The following PTPRD variants were observed in gnomAD, a reference collection of about 807,000 sequenced individuals.
The protein encoded by PTPRD is receptor-type tyrosine-protein phosphatase delta.
A neutral mutation model predicts 214.5 loss-of-function variants in PTPRD; 34 were observed. The ratio of observed to expected loss-of-function variants is 0.16; its 90% CI spans 0.12 to 0.21. The LOEUF is 0.21. Ranked by LOEUF, PTPRD falls within the 10% of genes least tolerant of loss-of-function variation. The probability of loss-of-function intolerance (pLI) is 1.00; values close to 1 mark genes in which losing one functional copy is unlikely to be tolerated. For synonymous variants in PTPRD, 1,128 were observed against 845.7 expected (o/e 1.33, Z -5.79); for missense variants, 2,545 against 2,398.7 (o/e 1.06, Z -1.27).
chr9:9,864,763 C>A (rs1432665494), intron 5 of PTPRD, among the ~76,000 whole-genome samples: 1 of 152,110 alleles, frequency 6.6e-6, no homozygotes, highest in Non-Finnish European at 1.5e-5. Flanking sequence ...ATTCTCCCAC[C>A]TTTGCCTCCC....
chr9:9,608,107 T>G (rs1296585032), intron 7 of PTPRD, among the ~76,000 whole-genome samples: 1 of 152,190 alleles, frequency 6.6e-6, no homozygotes, highest in Non-Finnish European at 1.5e-5. Context: ...GCTGCTTTGT[T>G]TTCTATATTT....
At chr9:10,120,589 C>T (rs1317428973) in intron 3 of PTPRD, among the ~76,000 whole-genome samples, 3 of 151,842 alleles carry the variant, frequency 2.0e-5, no homozygotes, top group African/African-American at 4.8e-5. Flanking sequence ...TGTTCTTAGA[C>T]ACTTAGAGAA....
At chr9:9,315,789 T>A (rs1020337664) in intron 9 of PTPRD, among the ~76,000 whole-genome samples, 1 of 151,598 alleles carries the variant, frequency 6.6e-6, no homozygotes, top group Admixed American at 6.6e-5. Context: ...CCTTATGTTT[T>A]TCTTGTTGCT....
At chr9:9,258,959 C>G (rs1425847163) in intron 9 of PTPRD, among the ~76,000 whole-genome samples, 2 of 151,718 alleles carry the variant, frequency 1.3e-5, no homozygotes, top group Admixed American at 1.3e-4. Flanking sequence ...AACAGTGTTT[C>G]TCGAGTTGGG....
At chr9:8,962,438 T>C (rs942354206) in intron 11 of PTPRD, among the ~76,000 whole-genome samples, 1 of 151,896 alleles carries the variant, frequency 6.6e-6, no homozygotes. Flanking sequence ...GGTGGGAAGA[T>C]GGTACTTTGG....
chr9:9,479,981 A>T (rs996842730), intron 8 of PTPRD, among the ~76,000 whole-genome samples: 3 of 152,190 alleles, frequency 2.0e-5, no homozygotes, highest in Admixed American at 1.3e-4. Context: ...GGACTGCTAC[A>T]TACTTAATTT....
intron 4 of PTPRD, among the ~76,000 whole-genome samples, chr9:10,029,437 G>T (rs1232193965): frequency 6.6e-6 from 1 of 152,170 alleles, no homozygotes; most frequent in Non-Finnish European, 1.5e-5. Flanking sequence ...AAAGCAGCTG[G>T]GAGGGAGGCT....
At chr9:8,362,680 A>C in intron 39 of PTPRD, among the ~76,000 whole-genome samples, 1 of 152,218 alleles carries the variant, frequency 6.6e-6, no homozygotes, top group East Asian at 1.9e-4. Context: ...CCATCATCAT[A>C]ATCATCATCA....
chr9:10,141,035 G>A (rs1181751142), intron 3 of PTPRD, among the ~76,000 whole-genome samples: 1 of 151,980 alleles, frequency 6.6e-6, no homozygotes, highest in Non-Finnish European at 1.5e-5. Flanking sequence ...AAAGGCCTTT[G>A]ACAAAATTCA....
At chr9:9,070,374 A>T (rs1015304352) in intron 10 of PTPRD, among the ~76,000 whole-genome samples, 1 of 152,188 alleles carries the variant, frequency 6.6e-6, no homozygotes, top group African/African-American at 2.4e-5. Context: ...GTTATAATAA[A>T]TTAATATATG....
intron 7 of PTPRD, among the ~76,000 whole-genome samples, chr9:9,619,682 T>C (rs1423350974): frequency 1.4e-5 from 2 of 145,606 alleles, no homozygotes; most frequent in African/African-American, 5.0e-5. Context: ...ATAATATATA[T>C]TCAAATATTT....
rs566782461 is a variant in PTPRD, at chr9:8,816,373, G to A, written c.-103-82427C>T. On this transcript the variant is annotated intron_variant, in intron 11 of 45. Coordinates refer to ENST00000381196, the MANE Select transcript of PTPRD (RefSeq NM_002839.4). ...TTCAGCTATGGAAAGAATGAGATGA[G>A]CCAAGCACTCTTTTGATTGTTGAGG... 3.3e-5 allele frequency among the ~76,000 whole-genome samples: 5 copies of A among 152,276 alleles called. No homozygotes were observed. The East Asian group carries it at 9.7e-4, about 29-fold the overall frequency.
chr9:10,391,924 G>A (rs932399362), intron 2 of PTPRD, among the ~76,000 whole-genome samples: 18 of 151,602 alleles, frequency 1.2e-4, no homozygotes, highest in Non-Finnish European at 4.4e-5. Flanking sequence ...TTTTCTCCAG[G>A]TCATCACAAG....
intron 10 of PTPRD, among the ~76,000 whole-genome samples, chr9:9,081,372 A>C (rs1227972351): frequency 6.6e-6 from 1 of 152,102 alleles, no homozygotes. Flanking sequence ...GTTTGTTATG[A>C]TTTCCATTCT....
chr9:9,124,440 T>G (rs1312451374), intron 10 of PTPRD, among the ~76,000 whole-genome samples: 1 of 152,188 alleles, frequency 6.6e-6, no homozygotes, highest in Non-Finnish European at 1.5e-5. Flanking sequence ...CTGATGCATT[T>G]CTAATATGGT....
chr9:8,722,156 T>C (rs1418536469), intron 12 of PTPRD, among the ~76,000 whole-genome samples: 1 of 144,850 alleles, frequency 6.9e-6, no homozygotes, highest in Non-Finnish European at 1.5e-5. Flanking sequence ...TGTGTGTGTG[T>C]GTGTGTGTGT....
At chr9:10,004,331 C>T (rs532706815) in intron 4 of PTPRD, among the ~76,000 whole-genome samples, 1 of 151,764 alleles carries the variant, frequency 6.6e-6, no homozygotes, top group African/African-American at 2.4e-5. Context: ...CATGTGGAAA[C>T]AAAGGAGAAA....
At chr9:9,752,981 A>G (rs1455743951) in intron 6 of PTPRD, among the ~76,000 whole-genome samples, 1 of 152,048 alleles carries the variant, frequency 6.6e-6, no homozygotes, top group Non-Finnish European at 1.5e-5. Context: ...CTTGTTCTCT[A>G]CTTAACAACT....
chr9:9,866,392 C>T (rs2063955125), intron 5 of PTPRD, among the ~76,000 whole-genome samples: 1 of 152,076 alleles, frequency 6.6e-6, no homozygotes, highest in Non-Finnish European at 1.5e-5. Context: ...ATTCCCAAGA[C>T]ATGTAATGTG....
Sources: gnomAD v4.1 joint callset for allele counts (sites outside exome capture counted in the v4.1 genomes callset) on GRCh38, gnomAD v4.1.1 for gene constraint, MANE v1.5 for transcripts, NCBI Gene and HGNC (gene_info 2026-07-23, HGNC 2026-07-21) for gene names.